ARID1A: variants seen among roughly 807,000 people sequenced by gnomAD.
ARID1A encodes AT-rich interactive domain-containing protein 1A.
In ARID1A, 20 loss-of-function variants were observed where a neutral mutation model predicts 212.6. The observed-to-expected ratio is 0.09, with a 90% CI of 0.07 to 0.14. ARID1A has a LOEUF of 0.14. Ranked by LOEUF, ARID1A falls within the 10% of genes least tolerant of loss-of-function variation. The pLI is 1.00. For synonymous variants in ARID1A, 1,376 were observed against 1,222.1 expected (o/e 1.13, Z -2.63); for missense variants, 2,587 against 3,059.0 (o/e 0.85, Z 3.64).
At position 26,723,767 on chromosome 1, in the gene ARID1A, G is replaced by A. The variant is rs547117116; in HGVS notation, c.1138-5884G>A. ...CAGCAAGCAGCAGGCATGCACCAGA[G>A]GGATCACAGTACACTGGCCCCCCTC... On this transcript the variant is annotated intron_variant, in intron 1 of 19. Coordinates refer to ENST00000324856, the MANE Select transcript of ARID1A (RefSeq NM_006015.6). 3.3e-5 allele frequency among the ~76,000 whole-genome samples: 5 copies of A among 152,186 alleles called. No homozygotes were observed. In the South Asian group the frequency reaches 8.3e-4, roughly 25 times the overall value.
chr1:26,714,886 T>G (rs191734345), intron 1 of ARID1A, among the ~76,000 whole-genome samples: 304 of 152,296 alleles, frequency 2.0e-3, no homozygotes, highest in Non-Finnish European at 3.3e-3. Flanking sequence ...TGCTGCTGCT[T>G]CTTGGTGTTT....
chr1:26,733,021 T>C (rs953788558), intron 4 of ARID1A, among the ~76,000 whole-genome samples: 1 of 152,194 alleles, frequency 6.6e-6, no homozygotes, highest in African/African-American at 2.4e-5. Flanking sequence ...CTTGTGCTTT[T>C]AGACATGGAC....
At position 26,731,507 on chromosome 1, in the gene ARID1A, C is replaced by G. The variant is rs767462445; in HGVS notation, c.1706C>G (p.Ala569Gly). ...PYQQQQPQQP[A>G]PSTLSQQAAY... Reference sequence around the variant, plus strand: ...CAGCAGCAGCAACCTCAGCAGCCAGCACCCTCGACGCTCTCCCAGCAGGCT... The same window carrying G: ...CAGCAGCAGCAACCTCAGCAGCCAGGACCCTCGACGCTCTCCCAGCAGGCT... Residue 569 changes from alanine (A) to glycine (G), a missense_variant, in exon 3 of 20, where the codon GCA (alanine) becomes GGA (glycine). Around this residue, in one of 11 missense-constraint regions of ARID1A, gnomAD observed 674 missense variants for 813.4 expected, o/e 0.83. Transcript: ENST00000324856. 6.2e-7 allele frequency: 1 copy of G among 1,614,100 alleles called. No individual in the cohort carries two copies. The highest frequency in any genetic ancestry group is 8.5e-7 in the Non-Finnish European group (1 of 1,180,028).
intron 1 of ARID1A, among the ~76,000 whole-genome samples, chr1:26,699,480 C>T (rs147291283): frequency 6.6e-6 from 1 of 152,300 alleles, no homozygotes; most frequent in Non-Finnish European, 1.5e-5. Context: ...CCTAGAGCTA[C>T]TTTACTACTC....
chr1:26,761,665 G>A (rs2080993224), intron 6 of ARID1A, among the ~76,000 whole-genome samples, 192 bp downstream of exon 6: 1 of 152,226 alleles, frequency 6.6e-6, no homozygotes, highest in Non-Finnish European at 1.5e-5. Flanking sequence ...TTCAATAGAA[G>A]TAACGTATAG....
At chr1:26,747,258 A>G (rs1037978177) in intron 4 of ARID1A, among the ~76,000 whole-genome samples, 31 of 152,170 alleles carry the variant, frequency 2.0e-4, no homozygotes, top group African/African-American at 6.8e-4. Flanking sequence ...GCCTGTTATC[A>G]GCATAGAATT....
intron 1 of ARID1A, among the ~76,000 whole-genome samples, chr1:26,718,377 C>T (rs2080524500): frequency 6.6e-6 from 1 of 152,164 alleles, no homozygotes; most frequent in Non-Finnish European, 1.5e-5. Context: ...ACTGCAGGGG[C>T]AGAGCTCTTA....
At chr1:26,745,995 G>C (rs560261821) in intron 4 of ARID1A, among the ~76,000 whole-genome samples, 6 of 152,168 alleles carry the variant, frequency 3.9e-5, no homozygotes, top group Non-Finnish European at 7.4e-5. Context: ...AGGTTGCGGT[G>C]AGTCAAGATT....
intron 8 of ARID1A, 48 bp downstream of exon 8, chr1:26,763,333 T>A (rs776570850): frequency 6.6e-7 from 1 of 1,518,188 alleles, no homozygotes; most frequent in Non-Finnish European, 8.9e-7. Flanking sequence ...AAATGTATTA[T>A]AGACCCACTC....
In ARID1A at chr1:26,772,807, T is replaced by C. The variant is rs1249508160; in HGVS notation, c.3540-5T>C. The C allele has an allele frequency of 6.2e-7, 1 of 1,612,858 alleles. No individual in the cohort carries two copies. Among genetic ancestry groups the C allele is most frequent in the Non-Finnish European group, 8.5e-7 (1 of 1,179,074 alleles). On this transcript the variant is annotated splice_polypyrimidine_tract_variant and splice_region_variant and intron_variant, in intron 13 of 19. Transcript: ENST00000324856. The stretch of plus-strand genomic sequence containing the variant: ...GTGGTTTACTTGGTTTTCCTCACTC[T>C]GGAGCAGGAGCAATTCAGTTGGGAT...
intron 2 of ARID1A, among the ~76,000 whole-genome samples, chr1:26,730,523 C>A (rs565721666): frequency 6.6e-6 from 1 of 152,092 alleles, no homozygotes; most frequent in African/African-American, 2.4e-5. Context: ...AAGCAAAGTA[C>A]GCCTTTAATA....
At chr1:26,707,997 T>C (rs2080409936) in intron 1 of ARID1A, among the ~76,000 whole-genome samples, 1 of 152,170 alleles carries the variant, frequency 6.6e-6, no homozygotes, top group Admixed American at 6.5e-5. Flanking sequence ...CTGAAACTCT[T>C]AAATGGGGTG....
chr1:26,755,244 T>A lies in ARID1A; in HGVS notation c.1921-5612T>A, dbSNP rs1038299132. On this transcript the variant is annotated intron_variant, in intron 4 of 19. Transcript: ENST00000324856. ...GTAGCTGTAGTTAATCGTAAATGATTTACCCCTTTCTATGCTAACATTTTG... is the reference window on the plus strand; with the variant it reads ...GTAGCTGTAGTTAATCGTAAATGATATACCCCTTTCTATGCTAACATTTTG... Among the ~76,000 whole-genome samples the A allele has an allele frequency of 2.6e-5, 4 of 152,340 alleles. 1 individual carries two copies. Among genetic ancestry groups the A allele is most frequent in the African/African-American group, 9.6e-5 (4 of 41,572 alleles).
At chr1:26,750,904 G>A (rs753068927) in intron 4 of ARID1A, among the ~76,000 whole-genome samples, 1 of 152,004 alleles carries the variant, frequency 6.6e-6, no homozygotes, top group African/African-American at 2.4e-5. Flanking sequence ...GAAGTTGAAG[G>A]TTATCAGTGA....
chr1:26,749,195 G>A (rs950304918), intron 4 of ARID1A, among the ~76,000 whole-genome samples: 2 of 152,086 alleles, frequency 1.3e-5, no homozygotes, highest in Non-Finnish European at 2.9e-5. Context: ...ATTCTCTGGG[G>A]TCTGTGGGTC....
chr1:26,697,019 G>GTCTTCCCCAACCACCA lies in ARID1A; in HGVS notation c.616_617insTCTTCCCCAACCACCA (p.Gly206ValfsTer199). On this transcript the variant is annotated frameshift_variant, in exon 1 of 20. Transcript: ENST00000324856. LOFTEE classifies it high-confidence loss of function. ...GCCCCAGCAGAACTCTCACGACCACGGCTTCCCCAACCACCAGTACAACTC... is the reference window on the plus strand; with the variant it reads ...GCCCCAGCAGAACTCTCACGACCACGTCTTCCCCAACCACCAGCTTCCCCAACCACCAGTACAACTC... 1 of 1,534,834 alleles carries GTCTTCCCCAACCACCA rather than the reference G, an allele frequency of 6.5e-7. No individual in the cohort carries two copies. The highest frequency in any genetic ancestry group is 8.7e-7 in the Non-Finnish European group (1 of 1,144,624).
intron 8 of ARID1A, chr1:26,765,447 C>G (rs1414482083): frequency 6.6e-6 from 1 of 151,276 alleles, no homozygotes; most frequent in African/African-American, 2.4e-5. Context: ...GAGATCGCGC[C>G]ACTGCTCTCC....
chr1:26,773,254 A>G (rs1368343471), intron 14 of ARID1A, 92 bp from the exon 15 acceptor site: 3 of 1,476,368 alleles, frequency 2.0e-6, no homozygotes, highest in African/African-American at 1.4e-5. Flanking sequence ...AATGAGATCA[A>G]ACCTGAACTC....
chr1:26,713,063 CAGG>C (rs2080468636), intron 1 of ARID1A, among the ~76,000 whole-genome samples: 1 of 152,186 alleles, frequency 6.6e-6, no homozygotes, highest in Non-Finnish European at 1.5e-5. Flanking sequence ...CAGTGGTTTC[CAGG>C]AGGAGACTAC....
Sources: gnomAD v4.1 joint callset for allele counts (sites outside exome capture counted in the v4.1 genomes callset) on GRCh38, gnomAD v4.1.1 for gene constraint, gnomAD v4.1.1 regional missense constraint, MANE v1.5 for transcripts, NCBI Gene and HGNC (gene_info 2026-07-23, HGNC 2026-07-21) for gene names.